Variants in CELA1 observed in about 807,000 individuals in gnomAD.
CELA1 encodes the protein chymotrypsin like elastase 1, also known as chymotrypsin-like elastase family member 1.
In CELA1, 28 loss-of-function variants were observed where a neutral mutation model predicts 34.8. The observed-to-expected ratio is 0.80, with a 90% CI of 0.60 to 1.10. The LOEUF is 1.10. CELA1 is among the 50% of genes least tolerant of loss of function. The probability of loss-of-function intolerance (pLI) is 0.00; values close to 1 mark genes in which losing one functional copy is unlikely to be tolerated. For synonymous variants in CELA1, 140 were observed against 129.8 expected (o/e 1.08, Z -0.53); for missense variants, 288 against 327.5 (o/e 0.88, Z 0.93).
chr12:51,334,725 C>T (rs1427799402), intron 6 of CELA1, among the ~76,000 whole-genome samples: 2 of 152,208 alleles, frequency 1.3e-5, no homozygotes, highest in African/African-American at 2.4e-5. Flanking sequence ...TGAGCCACTG[C>T]GCCTGGCCTA....
Position 51,329,815 on chromosome 12 carries a change from G to T in CELA1, c.628C>A (p.Leu210Ile), listed in dbSNP as rs776461806. Residue 210 changes from leucine to isoleucine, a missense_variant, in exon 7 of 8, where the codon CTC becomes ATC. Physicochemically the swap from Leu to Ile is conservative, Grantham distance 5. Transcript: ENST00000293636. ...SGCQGDSGGPLHCLVNGKYSV... is the reference protein window; with the variant it reads ...SGCQGDSGGPIHCLVNGKYSV... ...TACTTGCCATTCACCAAGCAATGGA[G>T]GGGGCCCCCAGAGTCACCCTGCAGG... The T allele has an allele frequency of 1.5e-5, 23 of 1,551,786 alleles. No homozygotes were observed. Among genetic ancestry groups the T allele is most frequent in the Non-Finnish European group, 1.8e-5 (21 of 1,144,078 alleles).
At chr12:51,338,879 A>G (rs1946516011) in intron 6 of CELA1, among the ~76,000 whole-genome samples, 3 of 151,926 alleles carry the variant, frequency 2.0e-5, no homozygotes, top group Non-Finnish European at 4.4e-5. Context: ...TGGGAGGCCA[A>G]TGTGGGAGGA....
intron 1 of CELA1, 35 bp from the exon 2 acceptor site, chr12:51,345,912 A>C: frequency 2.8e-6 from 4 of 1,454,284 alleles, no homozygotes; most frequent in Non-Finnish European, 3.8e-6. Flanking sequence ...GTGATGACTA[A>C]GCATGGGGTC....
At chr12:51,345,410 G>C (rs1946560041) in intron 2 of CELA1, among the ~76,000 whole-genome samples, 1 of 152,258 alleles carries the variant, frequency 6.6e-6, no homozygotes, top group African/African-American at 2.4e-5. Context: ...GTGTGTGTGT[G>C]TGCGCGCACA....
At chr12:51,339,800 G>A (rs927741892) in intron 6 of CELA1, 60 bp downstream of exon 6, 4 of 1,557,140 alleles carry the variant, frequency 2.6e-6, no homozygotes, top group Non-Finnish European at 3.5e-6. Context: ...TGAGGAAGAG[G>A]GGTGGAGGGA....
intron 6 of CELA1, among the ~76,000 whole-genome samples, chr12:51,331,176 G>T (rs1246267729): frequency 6.6e-6 from 1 of 151,670 alleles, no homozygotes; most frequent in Non-Finnish European, 1.5e-5. Context: ...GATCACCTGA[G>T]GTCAGGAGTT....
Position 51,345,519 on chromosome 12 carries a change from T to C in CELA1, c.99+276A>G, listed in dbSNP as rs572670480. On this transcript the variant is annotated intron_variant, in intron 2 of 7. Coordinates refer to ENST00000293636, the MANE Select transcript of CELA1 (RefSeq NM_001971.6). ...TGACTGTCTGGCACCCAGTCTTTCT[T>C]GCGTGGCACAAGTGCTGTCGCTGAG... is the stretch of plus-strand genomic sequence containing the variant. Among the ~76,000 whole-genome samples the C allele has an allele frequency of 1.1e-4, 17 of 152,368 alleles. No individual in the cohort carries two copies. The East Asian group carries it at 3.1e-3, about 28-fold the overall frequency.
At chr12:51,329,398 A>G (rs927511582) in intron 7 of CELA1, among the ~76,000 whole-genome samples, 8 of 152,158 alleles carry the variant, frequency 5.3e-5, no homozygotes, top group African/African-American at 1.9e-4. Flanking sequence ...TTGACTTAGG[A>G]AGGCACTGAT....
At chr12:51,340,780 A>G (rs1292959053) in intron 5 of CELA1, among the ~76,000 whole-genome samples, 3 of 152,116 alleles carry the variant, frequency 2.0e-5, no homozygotes, top group Non-Finnish European at 4.4e-5. Flanking sequence ...CCAAGGTGGG[A>G]GGATTTCTTA....
At chr12:51,345,378 A>G (rs976029763) in intron 2 of CELA1, among the ~76,000 whole-genome samples, 5 of 152,162 alleles carry the variant, frequency 3.3e-5, no homozygotes, top group East Asian at 1.9e-4. Flanking sequence ...ATAGCCAACT[A>G]AGCAGCATGC....
At position 51,342,688 on chromosome 12, in the gene CELA1, GAAAGTCTT is replaced by G; in HGVS notation, c.205_212del (p.Lys69ProfsTer8). 6.2e-7 allele frequency: 1 copy of G among 1,614,160 alleles called. No individual in the cohort carries two copies. The highest frequency in any genetic ancestry group is 1.3e-5 in the African/African-American group (1 of 75,040). On this transcript the variant is annotated frameshift_variant, in exon 4 of 8. Coordinates refer to ENST00000293636, the MANE Select transcript of CELA1 (RefSeq NM_001971.6). LOFTEE classifies it high-confidence loss of function. ...GGTTATGGTCTCCAGCCACCACGCG[GAAAGTCTT>G]CTGGCTGGCGTGAGAGAAGGAATCC...
chr12:51,334,380 T>C (rs1565700200), intron 6 of CELA1, among the ~76,000 whole-genome samples: 1 of 152,198 alleles, frequency 6.6e-6, no homozygotes, highest in Non-Finnish European at 1.5e-5. Flanking sequence ...CTAGGATGAA[T>C]TGGCTACTTT....
chr12:51,341,230 T>C lies in CELA1; in HGVS notation c.463+14A>G, dbSNP rs953102468. On this transcript the variant is annotated intron_variant, in intron 5 of 7. Coordinates refer to ENST00000293636, the MANE Select transcript of CELA1 (RefSeq NM_001971.6). ...AGATCCCCGTGGTGGATTGTGCCAA[T>C]GTAGGCAACTTACTCTTGGTCTTGC... The C allele has an allele frequency of 3.1e-6, 5 of 1,613,928 alleles. No homozygotes were observed. Among genetic ancestry groups the C allele is most frequent in the South Asian group, 2.2e-5 (2 of 91,084 alleles).
intron 1 of CELA1, among the ~76,000 whole-genome samples, chr12:51,346,195 C>T (rs1433625512): frequency 1.4e-5 from 2 of 138,088 alleles, no homozygotes; most frequent in African/African-American, 2.6e-5. Context: ...CCTGAAGAGA[C>T]CCCCCCCCAC....
rs1404180411 is a variant in CELA1, at chr12:51,329,590, G to T, written c.759+94C>A. 26 of 1,312,458 alleles carry T rather than the reference G, an allele frequency of 2.0e-5. No individual in the cohort carries two copies. The East Asian group carries it at 5.8e-4, about 29-fold the overall frequency. The allele number at this position is 1,312,458 out of a possible 1,614,324, so 81.3% of individuals were successfully genotyped here. ...CATGAATGTGGTAAGGAAGATGACGGCTTGCCCAGTCCATCCAACGTTTGT... is the reference window on the plus strand; with the variant it reads ...CATGAATGTGGTAAGGAAGATGACGTCTTGCCCAGTCCATCCAACGTTTGT... On this transcript the variant is annotated intron_variant, in intron 7 of 7. Transcript: ENST00000293636.
intron 2 of CELA1, 120 bp downstream of exon 2, chr12:51,345,675 G>C: frequency 1.2e-6 from 1 of 802,090 alleles, no homozygotes; most frequent in Non-Finnish European, 2.1e-6. Context: ...TTAAAATCGA[G>C]AACCTAGACA....
intron 6 of CELA1, among the ~76,000 whole-genome samples, chr12:51,336,602 G>GGGT (rs1946500937): frequency 6.6e-6 from 1 of 152,204 alleles, no homozygotes; most frequent in Non-Finnish European, 1.5e-5. Context: ...ACTCCAGCCT[G>GGGT]GGTGAGAGAG....
rs191696955 is a variant in CELA1 at position 51,340,901 on chromosome 12, G to T, written c.463+343C>A. ...ACATGCCTATAGTCTCAGCTACTCA[G>T]GAGGCTGAGGTGGGAGGATCACTTG... On this transcript the variant is annotated intron_variant, in intron 5 of 7. Transcript: ENST00000293636. Among the ~76,000 whole-genome samples the T allele has an allele frequency of 2.6e-4, 39 of 152,272 alleles. 1 individual carries two copies. Among genetic ancestry groups the T allele is most frequent in the Admixed American group, 2.1e-3 (32 of 15,276 alleles).
intron 6 of CELA1, among the ~76,000 whole-genome samples, chr12:51,333,021 C>T (rs1946479316): frequency 6.6e-6 from 1 of 152,066 alleles, no homozygotes; most frequent in Non-Finnish European, 1.5e-5. Flanking sequence ...CCACCACCTC[C>T]CAGGTTCAGG....
Sources: allele counts gnomAD v4.1 joint callset (sites outside exome capture counted in the v4.1 genomes callset), GRCh38; gene constraint gnomAD v4.1.1; transcripts MANE v1.5; gene names NCBI Gene and HGNC (gene_info 2026-07-23, HGNC 2026-07-21).